The following LAMB3 variants were observed in gnomAD, a reference collection of about 807,000 sequenced individuals.
LAMB3 encodes the protein laminin subunit beta 3.
In LAMB3, 104 loss-of-function variants were observed where a neutral mutation model predicts 140.3. The observed-to-expected ratio is 0.74, with a 90% CI of 0.63 to 0.87. LAMB3 has a LOEUF of 0.87. Among genes scored for constraint, LAMB3 ranks in the 40% least tolerant of loss-of-function variants. The pLI is 0.00. For synonymous variants in LAMB3, 592 were observed against 602.9 expected, an observed-to-expected ratio of 0.98 and a Z score of 0.26; for missense variants, 1,531 against 1,575.2, an observed-to-expected ratio of 0.97 and a Z score of 0.47.
Position 209,615,359 on chromosome 1 carries a change from G to A in LAMB3, c.3431C>T (p.Ser1144Leu). The A allele has an allele frequency of 6.2e-7, 1 of 1,613,096 alleles. No individual in the cohort carries two copies. Among genetic ancestry groups the A allele is most frequent in the Non-Finnish European group, 8.5e-7 (1 of 1,179,478 alleles). Residue 1144 changes from serine (S) to leucine (L), a missense_variant, in exon 23 of 23, where the codon TCA becomes TTA. Coordinates refer to ENST00000356082, the MANE Select transcript of LAMB3 (RefSeq NM_000228.3). ...LRGSQAIMLRSADLTGLEKRV... is the reference protein window; with the variant it reads ...LRGSQAIMLRLADLTGLEKRV... ...CTTCTCCAGTCCTGTCAGGTCCGCTGAGCGCAGCATGATGGCCTGGCTGCC... is the reference window on the plus strand; with the variant it reads ...CTTCTCCAGTCCTGTCAGGTCCGCTAAGCGCAGCATGATGGCCTGGCTGCC...
chr1:209,627,815 C>A (rs1321910052), intron 11 of LAMB3, among the ~76,000 whole-genome samples: 1 of 152,246 alleles, frequency 6.6e-6, no homozygotes, highest in Non-Finnish European at 1.5e-5. Flanking sequence ...CCTTCCAACT[C>A]GGACGTGTGC....
At position 209,615,339 on chromosome 1, in the gene LAMB3, C is replaced by T. The variant is rs759715557; in HGVS notation, c.3451G>A (p.Glu1151Lys). 5 of 1,613,864 alleles carry T rather than the reference C, an allele frequency of 3.1e-6. No homozygotes were observed. In the African/African-American group the frequency reaches 6.7e-5, roughly 22 times the overall value. The change falls in exon 23 of 23, where the codon GAG becomes AAG. Residue 1151 changes from glutamate (E) to lysine (K), a missense_variant. Coordinates refer to ENST00000356082, the MANE Select transcript of LAMB3 (RefSeq NM_000228.3). ...TCACGGATCTGCTCCACACGCTTCTCCAGTCCTGTCAGGTCCGCTGAGCGC... is the reference window on the plus strand; with the variant it reads ...TCACGGATCTGCTCCACACGCTTCTTCAGTCCTGTCAGGTCCGCTGAGCGC... ...MLRSADLTGL[E>K]KRVEQIRDHI... is the part of the protein sequence containing the mutation.
chr1:209,637,820 A>G (rs1329294715), intron 5 of LAMB3, 88 bp downstream of exon 5: 3 of 1,049,212 alleles, frequency 2.9e-6, no homozygotes, highest in Non-Finnish European at 4.3e-6. Context: ...CAACCCAGAG[A>G]GACAAGGACA....
At chr1:209,641,668 G>A (rs1367494343) in intron 3 of LAMB3, among the ~76,000 whole-genome samples, 2 of 152,218 alleles carry the variant, frequency 1.3e-5, no homozygotes, top group Non-Finnish European at 2.9e-5. Flanking sequence ...GGCAGAGAGA[G>A]CACTTTGGGA....
chr1:209,618,489 G>A lies in LAMB3; in HGVS notation c.2872C>T (p.Arg958Cys), dbSNP rs377695976. 30 of 1,614,216 alleles carry A rather than the reference G, an allele frequency of 1.9e-5. No individual in the cohort carries two copies. Among genetic ancestry groups the A allele is most frequent in the Non-Finnish European group, 2.2e-5 (26 of 1,180,052 alleles). ...VLSQTKQDIA[R>C]ARRLQAEAEE... ...GCCTCAGCCTGCAACCGGCGGGCACGCGCAATGTCCTGCTTGGTCTGGGAC... is the reference window on the plus strand; with the variant it reads ...GCCTCAGCCTGCAACCGGCGGGCACACGCAATGTCCTGCTTGGTCTGGGAC... Residue 958 changes from arginine (R) to cysteine (C), a missense_variant, in exon 19 of 23, where the codon CGT becomes TGT. Coordinates refer to ENST00000356082, the MANE Select transcript of LAMB3 (RefSeq NM_000228.3).
Position 209,625,919 on chromosome 1 carries a change from G to A in LAMB3, c.1705C>T (p.Arg569Ter), listed in dbSNP as rs201551805. Residue 569 changes from arginine to a stop codon, truncating the protein, a stop_gained, in exon 14 of 23, where the codon CGA becomes TGA. Transcript: ENST00000356082. LOFTEE classifies it high-confidence loss of function. ...LTGPRCDQCQ[R>*]GYCNRYPVCV... ...ACCGGGTAGCGATTACAGTAGCCTCGCTGGCACTGGTCACAGCGGGGCCCG... is the reference window on the plus strand; with the variant it reads ...ACCGGGTAGCGATTACAGTAGCCTCACTGGCACTGGTCACAGCGGGGCCCG... 80 of 1,613,840 alleles carry A rather than the reference G, an allele frequency of 5.0e-5. No individual in the cohort carries two copies. Among genetic ancestry groups the A allele is most frequent in the South Asian group, 6.6e-5 (6 of 91,080 alleles).
Position 209,617,536 on chromosome 1 carries a change from C to T in LAMB3, c.3102G>A (p.Lys1034=). The T allele has an allele frequency of 6.2e-7, 1 of 1,614,152 alleles. No individual in the cohort carries two copies. Among genetic ancestry groups the T allele is most frequent in the Non-Finnish European group, 8.5e-7 (1 of 1,180,040 alleles). Residue 1034 remains lysine, a synonymous_variant, in exon 21 of 23, where the codon AAG becomes AAA. Transcript: ENST00000356082. The part of the protein sequence containing the change: ...PAEKLVTSMT[K]QLGDFWTRME... ...TCCGTGTCCAGAAGTCACCCAGCTG[C>T]TTGGTCATGCTTGTCACCAGCTTTT...
In LAMB3 at chr1:209,622,649, A is replaced by C. The variant is rs539752226; in HGVS notation, c.2588T>G (p.Ile863Ser). The C allele has an allele frequency of 8.1e-6, 13 of 1,613,996 alleles. No individual in the cohort carries two copies. Among genetic ancestry groups the C allele is most frequent in the Non-Finnish European group, 1.1e-5 (13 of 1,180,008 alleles). Residue 863 changes from isoleucine (I) to serine (S), a missense_variant, in exon 18 of 23, where the codon ATT becomes AGT. Coordinates refer to ENST00000356082, the MANE Select transcript of LAMB3 (RefSeq NM_000228.3). ...CTCCAAGCGCTGGGCACTGGATTGA[A>C]TCTGTGAGGCAGATTCCTCGGCTGC... ...IRAAEESASQ[I>S]QSSAQRLETQ...
chr1:209,640,638 T>C (rs1404122407), intron 3 of LAMB3, among the ~76,000 whole-genome samples: 1 of 152,186 alleles, frequency 6.6e-6, no homozygotes, highest in Non-Finnish European at 1.5e-5. Context: ...TGTTATATTT[T>C]TTTCATAGTA....
chr1:209,650,830 C>T (rs2076560095), intron 2 of LAMB3, 87 bp downstream of exon 2: 5 of 1,300,388 alleles, frequency 3.8e-6, no homozygotes, highest in Non-Finnish European at 5.6e-6. Context: ...CAGGTGATGC[C>T]CACACTTTGG....
Position 209,623,123 on chromosome 1 carries a change from T to A in LAMB3, c.2415A>T (p.Leu805=). ...ACTPISCPGE[L]CPQDNGTACG... ...AGGCTGTGCCATTGTCTTGGGGACATAGCTCACCAGGGCATGATATTGGGG... is the reference window on the plus strand; with the variant it reads ...AGGCTGTGCCATTGTCTTGGGGACAAAGCTCACCAGGGCATGATATTGGGG... Residue 805 remains leucine (L), a synonymous_variant, in exon 17 of 23, where the codon CTA becomes CTT. Transcript: ENST00000356082. This position sits in a 1 kb window ranked among gnomAD's most constrained non-coding sequence, Gnocchi z 4.2. The A allele has an allele frequency of 1.9e-6, 3 of 1,614,162 alleles. No individual in the cohort carries two copies. Among genetic ancestry groups the A allele is most frequent in the Middle Eastern group, 3.3e-4 (2 of 6,060 alleles).
Position 209,615,387 on chromosome 1 carries a change from G to A in LAMB3, c.3403C>T (p.Arg1135Trp), listed in dbSNP as rs373007866. ...RMKDMELELLRGSQAIMLRSA... is the reference protein window; with the variant it reads ...RMKDMELELLWGSQAIMLRSA... ...CGCAGCATGATGGCCTGGCTGCCCC[G>A]CAGCAGCTCCAACTCCATGTCTGAG... Residue 1135 changes from arginine to tryptophan, a missense_variant, in exon 23 of 23, where the codon CGG (arginine) becomes TGG (tryptophan). By Grantham distance (101) the Arg-to-Trp change is moderately radical. Transcript: ENST00000356082. The A allele has an allele frequency of 6.0e-5, 97 of 1,606,044 alleles. No homozygotes were observed. The highest frequency in any genetic ancestry group is 1.6e-4 in the East Asian group (7 of 44,638).
chr1:209,625,517 A>G, intron 14 of LAMB3, 131 bp downstream of exon 14: 1 of 1,209,286 alleles, frequency 8.3e-7, no homozygotes, highest in Non-Finnish European at 1.2e-6. Flanking sequence ...GTAATGGTTG[A>G]AAGAGAGAGC....
intron 18 of LAMB3, among the ~76,000 whole-genome samples, chr1:209,621,002 C>G (rs1366910798): frequency 6.6e-6 from 1 of 152,198 alleles, no homozygotes; most frequent in African/African-American, 2.4e-5. Flanking sequence ...TGGGGCCAGG[C>G]CTCTCTCAGG....
rs2102430735 is a variant in LAMB3, at chr1:209,630,685, C to T, written c.873G>A (p.Glu291=). The T allele has an allele frequency of 1.2e-6, 2 of 1,614,122 alleles. No homozygotes were observed. Among genetic ancestry groups the T allele is most frequent in the Non-Finnish European group, 1.7e-6 (2 of 1,180,030 alleles). The change falls in exon 9 of 23, where the codon GAG becomes GAA. Residue 291 remains glutamate (E), a synonymous_variant. Transcript: ENST00000356082. The part of the protein sequence containing the change: ...CQHNTAGPNC[E]RCAPFYNNRP... ...GGTTGTTGTAGAAGGGTGCACAGCG[C>T]TCACAATTTGGGCCGGCAGTGTTGT...
At chr1:209,624,140 G>T in intron 14 of LAMB3, 140 bp from the exon 15 acceptor site, 2 of 705,762 alleles carry the variant, frequency 2.8e-6, no homozygotes, top group Non-Finnish European at 4.7e-6. Flanking sequence ...GAATCCACAG[G>T]CTAAGGGGGT....
Position 209,618,916 on chromosome 1 carries a change from A to G in LAMB3, c.2702-257T>C, listed in dbSNP as rs1666090021. The G allele has an allele frequency of 5.4e-5, 30 of 550,788 alleles. No homozygotes were observed. In the South Asian group the frequency reaches 6.0e-4, roughly 11 times the overall value. 34.1% of individuals were successfully genotyped at this position (550,788 alleles called of 1,614,324 possible). On this transcript the variant is annotated intron_variant, in intron 18 of 22. Coordinates refer to ENST00000356082, the MANE Select transcript of LAMB3 (RefSeq NM_000228.3). Reference sequence around the variant, plus strand: ...GAGGGGTGTCGTCACAGCTGTGCCAACTAAGTGTCTGGTGCCACAGGAAGC... The same window carrying G: ...GAGGGGTGTCGTCACAGCTGTGCCAGCTAAGTGTCTGGTGCCACAGGAAGC...
intron 22 of LAMB3, among the ~76,000 whole-genome samples, chr1:209,616,040 T>C (rs945137428): frequency 5.9e-5 from 9 of 152,158 alleles, no homozygotes; most frequent in African/African-American, 2.2e-4. Flanking sequence ...CTCCCAGGCC[T>C]ACACATCCTT....
intron 18 of LAMB3, among the ~76,000 whole-genome samples, chr1:209,621,489 A>G (rs937368744): frequency 6.6e-6 from 1 of 152,198 alleles, no homozygotes; most frequent in Non-Finnish European, 1.5e-5. Flanking sequence ...AGCCACTGTC[A>G]TTACACCAAG....
Sources: gnomAD v4.1 joint callset for allele counts (sites outside exome capture counted in the v4.1 genomes callset) on GRCh38, gnomAD v4.1.1 for gene constraint, Gnocchi (gnomAD v3.1) non-coding constraint, MANE v1.5 for transcripts, NCBI Gene and HGNC (gene_info 2026-07-23, HGNC 2026-07-21) for gene names.